Variants in GAREM1 observed in about 807,000 individuals in gnomAD.
The protein encoded by GAREM1 is GRB2-associated and regulator of MAPK protein 1.
Under a neutral mutation model 71.3 loss-of-function variants are expected in GAREM1, and 26 were observed. The observed-to-expected ratio is 0.36, with a 90% CI of 0.27 to 0.51. The LOEUF is 0.51. Ranked by LOEUF, GAREM1 falls within the 20% of genes least tolerant of loss-of-function variation. The probability of loss-of-function intolerance (pLI) is 0.95; values close to 1 mark genes in which losing one functional copy is unlikely to be tolerated. For synonymous variants in GAREM1, 440 were observed against 433.2 expected (o/e 1.02, Z -0.20); for missense variants, 1,026 against 1,103.1 (o/e 0.93, Z 0.99).
At chr18:32,461,482 T>C (rs949366552) in intron 1 of GAREM1, among the ~76,000 whole-genome samples, 2 of 151,972 alleles carry the variant, frequency 1.3e-5, no homozygotes, top group African/African-American at 4.8e-5. Context: ...AATGGCTCTA[T>C]CTCAGGAGTT....
intron 1 of GAREM1, among the ~76,000 whole-genome samples, chr18:32,409,267 A>G (rs1005426429): frequency 2.0e-5 from 3 of 152,202 alleles, no homozygotes; most frequent in Non-Finnish European, 4.4e-5. Context: ...CCCTCAAAGA[A>G]AGCAGAGTAT....
chr18:32,466,716 G>A (rs1303871994), intron 1 of GAREM1, among the ~76,000 whole-genome samples: 1 of 152,108 alleles, frequency 6.6e-6, no homozygotes, highest in African/African-American at 2.4e-5. Flanking sequence ...TCCTCTCCTT[G>A]GTCCTAAGCA....
rs185952633 is a variant in GAREM1 at position 32,268,428 on chromosome 18, C to T, written c.2074G>A (p.Val692Ile). Residue 692 changes from valine (V) to isoleucine (I), a missense_variant, in exon 6 of 6, where the codon GTC becomes ATC. Coordinates refer to ENST00000269209, the MANE Select transcript of GAREM1 (RefSeq NM_001242409.2). ...SPVTAEFSSS[V>I]SGCPKSASYS... ...CTGGCTGACTTGGGACAACCAGAGA[C>T]GCTGCTACTGAATTCTGCAGTGACT... 4.5e-4 allele frequency: 733 copies of T among 1,614,170 alleles called. 2 individuals carry two copies. The highest frequency in any genetic ancestry group is 1.5e-3 in the Middle Eastern group (9 of 6,062).
chr18:32,417,312 G>C (rs2048475095), intron 1 of GAREM1, among the ~76,000 whole-genome samples: 1 of 152,110 alleles, frequency 6.6e-6, no homozygotes, highest in Non-Finnish European at 1.5e-5. Flanking sequence ...CAGTTTGGAG[G>C]TTCCTCAAAA....
At chr18:32,326,234 G>A (rs970554163) in intron 2 of GAREM1, among the ~76,000 whole-genome samples, 1 of 152,196 alleles carries the variant, frequency 6.6e-6, no homozygotes, top group Non-Finnish European at 1.5e-5. Flanking sequence ...GGGAAAGATA[G>A]AGACTGGGAA....
chr18:32,370,143 G>C (rs553828528), intron 2 of GAREM1, among the ~76,000 whole-genome samples: 72 of 152,314 alleles, frequency 4.7e-4, no homozygotes, highest in Admixed American at 9.8e-4. Flanking sequence ...TTTAAAAAGC[G>C]TAAGGTGGGC....
At chr18:32,277,742 T>C (rs1255884456) in intron 4 of GAREM1, among the ~76,000 whole-genome samples, 3 of 152,204 alleles carry the variant, frequency 2.0e-5, no homozygotes, top group East Asian at 1.9e-4. Flanking sequence ...TGGGAGGGAA[T>C]TGAGCACAGG....
At position 32,333,721 on chromosome 18, in the gene GAREM1, CA is replaced by C. The variant is rs562807528; in HGVS notation, c.263-23399del. ...TGGCAATAGATCTCATCCTCTACAA[CA>C]TTAGCTGCTCTGAATGCTCTTCCTG... On this transcript the variant is annotated intron_variant, in intron 2 of 5. Coordinates refer to ENST00000269209, the MANE Select transcript of GAREM1 (RefSeq NM_001242409.2). Among the ~76,000 whole-genome samples, 884 of 152,332 alleles carry C rather than the reference CA, an allele frequency of 5.8e-3. 7 individuals are homozygous for C. The highest frequency in any genetic ancestry group is 0.02 in the African/African-American group (831 of 41,568).
chr18:32,297,797 T>C (rs2047157677), intron 3 of GAREM1, among the ~76,000 whole-genome samples: 1 of 152,224 alleles, frequency 6.6e-6, no homozygotes, highest in Admixed American at 6.5e-5. Context: ...ATTAGAACTT[T>C]GTGAAAAACT....
At chr18:32,382,317 A>G (rs2048105031) in intron 2 of GAREM1, among the ~76,000 whole-genome samples, 1 of 152,118 alleles carries the variant, frequency 6.6e-6, no homozygotes, top group Admixed American at 6.6e-5. Flanking sequence ...AAGCTTCTTG[A>G]AGAAGGTGGT....
intron 4 of GAREM1, among the ~76,000 whole-genome samples, chr18:32,286,354 G>A (rs2144462147): frequency 1.3e-5 from 2 of 149,594 alleles, no homozygotes; most frequent in East Asian, 3.9e-4. Flanking sequence ...GTGTGTGTGT[G>A]TGTGTATAAT....
intron 1 of GAREM1, among the ~76,000 whole-genome samples, chr18:32,397,409 T>A (rs1393870367): frequency 1.3e-5 from 2 of 152,016 alleles, no homozygotes; most frequent in Middle Eastern, 3.2e-3. Flanking sequence ...AGGAGACCCA[T>A]CTCACATGCA....
At position 32,268,617 on chromosome 18, in the gene GAREM1, G is replaced by C; in HGVS notation, c.1885C>G (p.His629Asp). ...AVSSRLSWPN[H>D]YSGASESQTR... ...TGGCTTTCTGATGCTCCTGAATAAT[G>C]GTTAGGCCATGAGAGCCGAGAGGAC... is the stretch of plus-strand genomic sequence containing the variant. The change falls in exon 6 of 6, where the codon CAT (histidine) becomes GAT (aspartate). Residue 629 changes from histidine to aspartate, a missense_variant. Around this residue, in one of 3 missense-constraint regions of GAREM1, gnomAD observed 636 missense variants for 631.2 expected, o/e 1.01. Transcript: ENST00000269209. The C allele has an allele frequency of 2.5e-6, 4 of 1,614,164 alleles. No homozygotes were observed. Among genetic ancestry groups the C allele is most frequent in the Non-Finnish European group, 3.4e-6 (4 of 1,180,018 alleles).
chr18:32,372,571 AAG>A (rs1480395324), intron 2 of GAREM1, among the ~76,000 whole-genome samples: 1 of 152,216 alleles, frequency 6.6e-6, no homozygotes, highest in African/African-American at 2.4e-5. Context: ...TATACACCCA[AAG>A]AGTGACACCC....
chr18:32,312,749 T>C (rs755738051), intron 2 of GAREM1, among the ~76,000 whole-genome samples: 4 of 152,074 alleles, frequency 2.6e-5, no homozygotes, highest in Admixed American at 6.5e-5. Context: ...AACAAGGTGA[T>C]GACAGGAGAA....
Position 32,470,252 on chromosome 18 carries a change from C to T in GAREM1, c.121+56G>A. ...ACCCTCTCCAGCACACGCGCGCACA[C>T]CCGCGTGGAGACGGCTGTCCTCGCC... On this transcript the variant is annotated intron_variant, in intron 1 of 5. Coordinates refer to ENST00000269209, the MANE Select transcript of GAREM1 (RefSeq NM_001242409.2). This position sits in a 1 kb window ranked among gnomAD's most constrained non-coding sequence, Gnocchi z 4.4. 7.1e-7 allele frequency: 1 copy of T among 1,411,462 alleles called. No individual in the cohort carries two copies. The highest frequency in any genetic ancestry group is 9.3e-7 in the Non-Finnish European group (1 of 1,073,734). 87.4% of individuals were successfully genotyped at this position (1,411,462 alleles called of 1,614,324 possible). A position where few individuals can be genotyped will look rare whatever the true frequency, so the allele number is the denominator to read the frequency against.
intron 2 of GAREM1, among the ~76,000 whole-genome samples, chr18:32,381,885 A>G: frequency 6.6e-6 from 1 of 152,122 alleles, no homozygotes; most frequent in Non-Finnish European, 1.5e-5. Context: ...TTTATCTAGA[A>G]CGCCCTTAAC....
chr18:32,385,879 T>C (rs1446708661), intron 2 of GAREM1, among the ~76,000 whole-genome samples: 2 of 152,150 alleles, frequency 1.3e-5, no homozygotes, highest in Non-Finnish European at 2.9e-5. Context: ...ATTTCATGAG[T>C]TTGTTGTGAA....
intron 2 of GAREM1, among the ~76,000 whole-genome samples, chr18:32,356,577 C>T (rs940447925): frequency 6.6e-6 from 1 of 152,148 alleles, no homozygotes; most frequent in Non-Finnish European, 1.5e-5. Flanking sequence ...CTACTACTCC[C>T]ATCACTATCA....
Sources: allele counts gnomAD v4.1 joint callset (sites outside exome capture counted in the v4.1 genomes callset), GRCh38; gene constraint gnomAD v4.1.1; regional missense constraint gnomAD v4.1.1; non-coding constraint Gnocchi (gnomAD v3.1); transcripts MANE v1.5; gene names NCBI Gene and HGNC (gene_info 2026-07-23, HGNC 2026-07-21).